The following OPCML variants were observed in gnomAD, a reference collection of about 807,000 sequenced individuals.
OPCML encodes opioid-binding protein/cell adhesion molecule.
In OPCML, 13 loss-of-function variants were observed where a neutral mutation model predicts 37.8. The observed-to-expected ratio is 0.34, with a 90% CI of 0.22 to 0.55. OPCML has a LOEUF of 0.55. Ranked by LOEUF, OPCML falls within the 20% of genes least tolerant of loss-of-function variation. OPCML has a pLI of 0.91. For missense variants in OPCML, 341 were observed against 435.6 expected, an observed-to-expected ratio of 0.78 and a Z score of 1.93; for synonymous variants, 176 against 168.8, an observed-to-expected ratio of 1.04 and a Z score of -0.33.
chr11:132,745,563 C>CAAAAAA (rs10562857), intron 2 of OPCML, among the ~76,000 whole-genome samples: 5 of 102,978 alleles, frequency 4.9e-5, no homozygotes, highest in Non-Finnish European at 5.7e-5. Flanking sequence ...TGCTGTCTTG[C>CAAAAAA]AAAAAAAAAA....
chr11:132,945,264 A>G (rs1945720096), intron 1 of OPCML, among the ~76,000 whole-genome samples: 1 of 152,244 alleles, frequency 6.6e-6, no homozygotes, highest in Non-Finnish European at 1.5e-5. Context: ...ATAAACCTAG[A>G]TGACACAGCC....
At chr11:132,485,232 G>A (rs1454860954) in intron 4 of OPCML, among the ~76,000 whole-genome samples, 2 of 152,098 alleles carry the variant, frequency 1.3e-5, no homozygotes, top group Middle Eastern at 3.2e-3. Flanking sequence ...TGACAAGCAA[G>A]TTACTTTGTA....
intron 3 of OPCML, among the ~76,000 whole-genome samples, chr11:132,638,186 T>TATATATATATATATATATATATACAC (rs71067383): frequency 2.3e-5 from 3 of 131,018 alleles, no homozygotes; most frequent in African/African-American, 5.5e-5. Context: ...TATATATATA[T>TATATATATATATATATATATATACAC]ACAGAGAGAG....
At chr11:133,526,988 G>A (rs1000901060) in intron 1 of OPCML, among the ~76,000 whole-genome samples, 4 of 152,192 alleles carry the variant, frequency 2.6e-5, no homozygotes, top group Non-Finnish European at 5.9e-5. Flanking sequence ...ACCATCTGGG[G>A]GCTGACACTT....
chr11:133,184,132 G>A (rs1268242506), intron 1 of OPCML, among the ~76,000 whole-genome samples: 3 of 152,154 alleles, frequency 2.0e-5, no homozygotes, highest in Non-Finnish European at 2.9e-5. Context: ...CTTCAGGTTG[G>A]AGTGGCAAGT....
intron 3 of OPCML, among the ~76,000 whole-genome samples, chr11:132,549,573 T>C (rs2096376777): frequency 6.6e-6 from 1 of 152,192 alleles, no homozygotes; most frequent in Admixed American, 6.5e-5. Context: ...GGGAAGGCTT[T>C]TCTTTTTCAT....
intron 1 of OPCML, among the ~76,000 whole-genome samples, chr11:133,385,445 G>C (rs921193681): frequency 3.3e-5 from 5 of 152,176 alleles, no homozygotes; most frequent in African/African-American, 1.2e-4. Context: ...CTGTATAGAA[G>C]GCAAAGGCTT....
chr11:133,295,393 TC>T (rs1258370607), intron 1 of OPCML, among the ~76,000 whole-genome samples: 14 of 152,164 alleles, frequency 9.2e-5, no homozygotes, highest in African/African-American at 3.4e-4. Flanking sequence ...AGGCTGGCAT[TC>T]CAGGCTTTAC....
intron 2 of OPCML, among the ~76,000 whole-genome samples, chr11:132,704,985 G>T: frequency 6.6e-6 from 1 of 152,232 alleles, no homozygotes; most frequent in Non-Finnish European, 1.5e-5. Flanking sequence ...AACAAGGCTG[G>T]CTCAGTGCTG....
At chr11:132,571,920 C>T (rs73036864) in intron 3 of OPCML, among the ~76,000 whole-genome samples, 3,659 of 152,196 alleles carry the variant, frequency 0.024, 110 homozygotes, top group East Asian at 0.055. Context: ...CCCCCACATC[C>T]TCACAAATAT....
chr11:132,672,600 T>C (rs79244040), intron 2 of OPCML, among the ~76,000 whole-genome samples: 2,975 of 152,308 alleles, frequency 0.02, 83 homozygotes, highest in African/African-American at 0.057. Context: ...TCCAAGTCTC[T>C]TGAAGCAACC....
intron 2 of OPCML, among the ~76,000 whole-genome samples, chr11:132,762,942 T>C (rs1010958493): frequency 3.9e-5 from 6 of 152,094 alleles, no homozygotes; most frequent in Admixed American, 2.0e-4. Context: ...GCCCTGGTGG[T>C]GTAGGCACCT....
At chr11:132,866,131 C>T (rs921809642) in intron 2 of OPCML, among the ~76,000 whole-genome samples, 2 of 151,620 alleles carry the variant, frequency 1.3e-5, no homozygotes, top group South Asian at 2.1e-4. Context: ...CACTTTAATG[C>T]GATCTCAAAT....
intron 1 of OPCML, among the ~76,000 whole-genome samples, chr11:133,140,429 C>A (rs1403095964): frequency 6.8e-6 from 1 of 147,884 alleles, no homozygotes; most frequent in East Asian, 2.0e-4. Flanking sequence ...GCAGAAGAAT[C>A]GCTTGAATCT....
intron 1 of OPCML, among the ~76,000 whole-genome samples, chr11:133,195,162 G>T (rs1177638915): frequency 6.6e-6 from 1 of 152,140 alleles, no homozygotes; most frequent in African/African-American, 2.4e-5. Flanking sequence ...CTACAGGGAG[G>T]AGGATACTCA....
At chr11:132,978,557 G>A (rs1591872162) in intron 1 of OPCML, among the ~76,000 whole-genome samples, 1 of 152,088 alleles carries the variant, frequency 6.6e-6, no homozygotes, top group South Asian at 2.1e-4. Flanking sequence ...CTACCCCGGG[G>A]GTCTGCAAGG....
intron 2 of OPCML, among the ~76,000 whole-genome samples, chr11:132,857,652 A>G (rs1409394809): frequency 6.6e-6 from 1 of 152,222 alleles, no homozygotes; most frequent in East Asian, 1.9e-4. Context: ...GTTCTAAGAA[A>G]CATGCAAAGC....
intron 1 of OPCML, among the ~76,000 whole-genome samples, chr11:133,320,042 T>A (rs1308788379): frequency 6.6e-6 from 1 of 152,220 alleles, no homozygotes; most frequent in Non-Finnish European, 1.5e-5. Flanking sequence ...TGGATGCCAG[T>A]GGTGAAGCAA....
chr11:133,039,788 G>T (rs948155193), intron 1 of OPCML, among the ~76,000 whole-genome samples: 3 of 152,120 alleles, frequency 2.0e-5, no homozygotes, highest in Non-Finnish European at 4.4e-5. Flanking sequence ...GGACAACTTT[G>T]GGAGGCCAAG....
Sources: gnomAD v4.1 joint callset for allele counts (sites outside exome capture counted in the v4.1 genomes callset) on GRCh38, gnomAD v4.1.1 for gene constraint, MANE v1.5 for transcripts, NCBI Gene and HGNC (gene_info 2026-07-23, HGNC 2026-07-21) for gene names.